EGFLAM: variants seen among roughly 807,000 people sequenced by gnomAD.
EGFLAM encodes pikachurin.
Under a neutral mutation model 113.1 loss-of-function variants are expected in EGFLAM, and 79 were observed. The observed-to-expected ratio is 0.70, with a 90% CI of 0.58 to 0.84. EGFLAM has a LOEUF of 0.84. Ranked by LOEUF, EGFLAM falls within the 40% of genes least tolerant of loss-of-function variation. EGFLAM has a pLI of 0.00. For missense variants in EGFLAM, 1,265 were observed against 1,291.6 expected (o/e 0.98, Z 0.32); for synonymous variants, 504 against 487.6 (o/e 1.03, Z -0.44).
intron 1 of EGFLAM, among the ~76,000 whole-genome samples, chr5:38,275,272 G>A (rs992423273): frequency 2.6e-5 from 4 of 152,104 alleles, no homozygotes; most frequent in African/African-American, 9.7e-5. Context: ...CCAATTAAAA[G>A]ACATAAAGTG....
At chr5:38,379,956 G>T (rs1250484218) in intron 6 of EGFLAM, among the ~76,000 whole-genome samples, 1 of 152,160 alleles carries the variant, frequency 6.6e-6, no homozygotes, top group South Asian at 2.1e-4. Context: ...TAAAGGGCAA[G>T]ATAGTAAATA....
At chr5:38,432,248 G>GA (rs1742211198) in intron 15 of EGFLAM, among the ~76,000 whole-genome samples, 1 of 152,014 alleles carries the variant, frequency 6.6e-6, no homozygotes, top group African/African-American at 2.4e-5. Context: ...TAGACTAGTA[G>GA]AAAAAAGAAA....
intron 6 of EGFLAM, among the ~76,000 whole-genome samples, chr5:38,384,142 G>A (rs892484682): frequency 2.4e-4 from 36 of 151,918 alleles, no homozygotes; most frequent in Non-Finnish European, 4.9e-4. Flanking sequence ...GAATAAGGAG[G>A]CAATTTTATA....
At chr5:38,392,272 T>C (rs895081407) in intron 6 of EGFLAM, among the ~76,000 whole-genome samples, 1 of 152,248 alleles carries the variant, frequency 6.6e-6, no homozygotes, top group African/African-American at 2.4e-5. Context: ...TCCACATTTC[T>C]GCAAAAGACA....
At chr5:38,328,616 A>G (rs746948917) in intron 1 of EGFLAM, among the ~76,000 whole-genome samples, 1 of 151,172 alleles carries the variant, frequency 6.6e-6, no homozygotes, top group African/African-American at 2.4e-5. Context: ...TCGTTTTAAT[A>G]TTTTCGTTAA....
Position 38,406,916 on chromosome 5 carries a change from C to T in EGFLAM, c.917C>T (p.Ser306Phe). Residue 306 changes from serine (S) to phenylalanine (F), a missense_variant, in exon 8 of 22, where the codon TCT becomes TTT. By Grantham distance (155) the Ser-to-Phe change is radical. Coordinates refer to ENST00000322350, the MANE Select transcript of EGFLAM (RefSeq NM_152403.4). Reference sequence around the variant, plus strand: ...TCTATATCTAACCCAAAGACCATTTCTAGGCTCATCCCCCCTACCTCAGCA... The same window carrying T: ...TCTATATCTAACCCAAAGACCATTTTTAGGCTCATCCCCCCTACCTCAGCA... ...KMSISNPKTI[S>F]RLIPPTSASL... 6.2e-7 allele frequency: 1 copy of T among 1,614,204 alleles called. No individual in the cohort carries two copies. The highest frequency in any genetic ancestry group is 8.5e-7 in the Non-Finnish European group (1 of 1,180,038).
intron 6 of EGFLAM, among the ~76,000 whole-genome samples, chr5:38,374,297 T>A (rs531620135): frequency 4.9e-4 from 74 of 152,284 alleles, no homozygotes; most frequent in Non-Finnish European, 8.7e-4. Context: ...AAGCCAGCTA[T>A]GCAGGAGATC....
At position 38,258,571 on chromosome 5, in the gene EGFLAM, C is replaced by A. The variant is rs1160296200; in HGVS notation, c.-184C>A. On this transcript the variant is annotated 5_prime_UTR_variant, in exon 1 of 22. Transcript: ENST00000322350. ...TGCAGCCGGCTTCACTCGCGCACGC[C>A]GACCTCCCGGCTGCAGTCCTACCTC... The A allele has an allele frequency of 3.1e-6, 2 of 645,822 alleles. No individual in the cohort carries two copies. The highest frequency in any genetic ancestry group is 1.9e-5 in the African/African-American group (1 of 51,932). 40.0% of individuals were successfully genotyped at this position (645,822 alleles called of 1,614,324 possible).
chr5:38,376,126 C>G (rs1740358181), intron 6 of EGFLAM, among the ~76,000 whole-genome samples: 1 of 152,122 alleles, frequency 6.6e-6, no homozygotes, highest in African/African-American at 2.4e-5. Context: ...GTAAATCAGG[C>G]AGTTGGAGTG....
chr5:38,450,112 G>A (rs77568522), intron 18 of EGFLAM, among the ~76,000 whole-genome samples: 1 of 152,314 alleles, frequency 6.6e-6, no homozygotes, highest in East Asian at 1.9e-4. Flanking sequence ...GGATATGATT[G>A]TGTCTCTTCT....
chr5:38,330,888 A>G (rs1158281068), intron 1 of EGFLAM, among the ~76,000 whole-genome samples: 8 of 152,200 alleles, frequency 5.3e-5, no homozygotes, highest in Admixed American at 3.9e-4. Context: ...GGATAATTAC[A>G]CAGGGGGAAG....
intron 12 of EGFLAM, 148 bp downstream of exon 12, chr5:38,418,403 C>T: frequency 2.0e-6 from 2 of 1,025,070 alleles, no homozygotes; most frequent in Non-Finnish European, 2.8e-6. Flanking sequence ...GGAGGTGGGC[C>T]TCAGGGGTGA....
chr5:38,332,995 C>G (rs1303824341), intron 1 of EGFLAM, among the ~76,000 whole-genome samples: 1 of 152,198 alleles, frequency 6.6e-6, no homozygotes, highest in Non-Finnish European at 1.5e-5. Context: ...TTGTTTCCTT[C>G]TTTGTGTTCA....
Position 38,370,412 on chromosome 5 carries a change from C to A in EGFLAM, c.662C>A (p.Ser221Tyr), listed in dbSNP as rs1222245486. Residue 221 changes from serine to tyrosine, a missense_variant, in exon 6 of 22, where the codon TCC becomes TAC. Physicochemically the swap from Ser to Tyr is moderately radical, Grantham distance 144. Transcript: ENST00000322350. ...NYQFAVRAMN[S>Y]HGPSPRSWPS... is the part of the protein sequence containing the mutation. ...CAGTTTGCCGTGAGGGCAATGAATT[C>A]CCATGGCCCCAGCCCCCGCAGCTGG... is the stretch of plus-strand genomic sequence containing the variant. The A allele has an allele frequency of 3.7e-6, 6 of 1,614,206 alleles. No homozygotes were observed. In the South Asian group the frequency reaches 6.6e-5, roughly 18 times the overall value.
At chr5:38,341,725 C>T (rs551223481) in intron 3 of EGFLAM, among the ~76,000 whole-genome samples, 11 of 152,210 alleles carry the variant, frequency 7.2e-5, no homozygotes, top group African/African-American at 2.4e-4. Flanking sequence ...GTTATTATAT[C>T]GTATCATTCT....
chr5:38,462,098 G>GAA (rs1167031114), intron 20 of EGFLAM, among the ~76,000 whole-genome samples: 6 of 152,140 alleles, frequency 3.9e-5, no homozygotes, highest in Non-Finnish European at 7.4e-5. Context: ...AACCCCGGGG[G>GAA]GCGGAGCCTG....
chr5:38,304,373 A>G (rs1403859604), intron 1 of EGFLAM, among the ~76,000 whole-genome samples: 1 of 152,152 alleles, frequency 6.6e-6, no homozygotes, highest in Non-Finnish European at 1.5e-5. Context: ...TTCCCAAAAG[A>G]CTAGTTAAAA....
chr5:38,412,132 A>G (rs1741501025), intron 10 of EGFLAM, among the ~76,000 whole-genome samples: 1 of 152,208 alleles, frequency 6.6e-6, no homozygotes, highest in Non-Finnish European at 1.5e-5. Flanking sequence ...TACAGGGGGT[A>G]CATGTGCAGA....
At chr5:38,386,351 G>A (rs1201827127) in intron 6 of EGFLAM, among the ~76,000 whole-genome samples, 3 of 151,380 alleles carry the variant, frequency 2.0e-5, no homozygotes, top group Admixed American at 6.6e-5. Flanking sequence ...ACACCACCAC[G>A]CCTGGCTAAT....
Sources: gnomAD v4.1 joint callset for allele counts (sites outside exome capture counted in the v4.1 genomes callset) on GRCh38, gnomAD v4.1.1 for gene constraint, MANE v1.5 for transcripts, NCBI Gene and HGNC (gene_info 2026-07-23, HGNC 2026-07-21) for gene names.